Variants in ZCCHC2 observed in about 807,000 individuals in gnomAD.
The protein encoded by ZCCHC2 is zinc finger CCHC-type containing 2.
Under a neutral mutation model 103.6 loss-of-function variants are expected in ZCCHC2, and 39 were observed. That is an observed-to-expected ratio of 0.38 (90% CI 0.29 to 0.49). The LOEUF is 0.49. Ranked by LOEUF, ZCCHC2 falls within the 20% of genes least tolerant of loss-of-function variation. ZCCHC2 has a pLI of 0.96. For missense variants in ZCCHC2, 1,483 were observed against 1,491.0 expected, an observed-to-expected ratio of 0.99 and a Z score of 0.09; for synonymous variants, 687 against 608.9, an observed-to-expected ratio of 1.13 and a Z score of -1.89.
chr18:62,550,364 C>G lies in ZCCHC2; in HGVS notation c.1217C>G (p.Ser406Cys). The G allele has an allele frequency of 6.2e-7, 1 of 1,613,500 alleles. No homozygotes were observed. Among genetic ancestry groups the G allele is most frequent in the Non-Finnish European group, 8.5e-7 (1 of 1,179,670 alleles). ...CTTTTCTAGCTTCCAAAGGAACTGT[C>G]TTCAGAGACTTTTGACAAGACCATC... Reference protein sequence around the residue: ...EFLLKLPKELSSETFDKTILR... With the variant: ...EFLLKLPKELCSETFDKTILR... Residue 406 changes from serine (S) to cysteine (C), a missense_variant, in exon 5 of 14, where the codon TCT becomes TGT. By Grantham distance (112) the Ser-to-Cys change is moderately radical (BLOSUM62 -1). Around this residue, in one of 3 missense-constraint regions of ZCCHC2, gnomAD observed 31 missense variants for 58.4 expected, o/e 0.53. Coordinates refer to ENST00000269499, the MANE Select transcript of ZCCHC2 (RefSeq NM_017742.6).
chr18:62,562,801 C>T (rs1478298304), intron 8 of ZCCHC2, among the ~76,000 whole-genome samples: 1 of 152,192 alleles, frequency 6.6e-6, no homozygotes, highest in African/African-American at 2.4e-5. Flanking sequence ...GCAGCTGTTA[C>T]TACTCTTTTT....
chr18:62,539,263 C>CT (rs1410147038), intron 1 of ZCCHC2, among the ~76,000 whole-genome samples: 3 of 152,168 alleles, frequency 2.0e-5, no homozygotes, highest in Non-Finnish European at 4.4e-5. Flanking sequence ...TTTCATAAGA[C>CT]TTTTTCCTAA....
At chr18:62,537,854 C>T (rs1914995985) in intron 1 of ZCCHC2, among the ~76,000 whole-genome samples, 1 of 152,192 alleles carries the variant, frequency 6.6e-6, no homozygotes, top group Admixed American at 6.5e-5. Context: ...AACTGCCTGA[C>T]TGTCTTCAAC....
At chr18:62,542,089 A>G (rs561806126) in intron 2 of ZCCHC2, among the ~76,000 whole-genome samples, 3 of 152,332 alleles carry the variant, frequency 2.0e-5, no homozygotes, top group African/African-American at 7.2e-5. Flanking sequence ...TATACCTACT[A>G]TGTATTAATA....
intron 9 of ZCCHC2, 78 bp from the exon 10 acceptor site, chr18:62,564,493 T>C (rs948738054): frequency 1.4e-5 from 15 of 1,067,948 alleles, no homozygotes; most frequent in African/African-American, 1.1e-4. Flanking sequence ...AATCTATCAT[T>C]TTAATGTTTA....
At chr18:62,528,766 T>G (rs745762539) in intron 1 of ZCCHC2, among the ~76,000 whole-genome samples, 2 of 152,204 alleles carry the variant, frequency 1.3e-5, no homozygotes, top group Non-Finnish European at 2.9e-5. Flanking sequence ...AACTTGAATG[T>G]GGATGTGGCA....
At chr18:62,544,694 A>C (rs1266390879) in intron 3 of ZCCHC2, 108 bp from the exon 4 acceptor site, 1 of 842,740 alleles carries the variant, frequency 1.2e-6, no homozygotes, top group African/African-American at 1.8e-5. Flanking sequence ...TCTAACTGTT[A>C]ATCTTAGTAA....
intron 4 of ZCCHC2, among the ~76,000 whole-genome samples, chr18:62,548,337 A>G (rs1915507500): frequency 6.6e-6 from 1 of 152,228 alleles, no homozygotes; most frequent in Non-Finnish European, 1.5e-5. Context: ...CCACTTGAAA[A>G]TAAATCAGTT....
In ZCCHC2 at chr18:62,524,374, C is replaced by G; in HGVS notation, c.939+11C>G. On this transcript the variant is annotated intron_variant, in intron 1 of 13. Transcript: ENST00000269499. ...GGCCCCAGGGCCCAGGTAAGGCGCA[C>G]GGAGCCTCCCTGGACTCGCGGTGCG... 6.7e-7 allele frequency: 1 copy of G among 1,494,128 alleles called. No homozygotes were observed. Among genetic ancestry groups the G allele is most frequent in the Non-Finnish European group, 8.9e-7 (1 of 1,125,710 alleles). The allele number at this position is 1,494,128 out of a possible 1,614,324, so 92.6% of individuals were successfully genotyped here. A position where few individuals can be genotyped will look rare whatever the true frequency, so the allele number is the denominator to read the frequency against.
At chr18:62,527,177 T>G (rs1446514681) in intron 1 of ZCCHC2, among the ~76,000 whole-genome samples, 1 of 152,114 alleles carries the variant, frequency 6.6e-6, no homozygotes, top group Non-Finnish European at 1.5e-5. Flanking sequence ...TTAATTCTCT[T>G]TTCTATTAAA....
At chr18:62,526,040 T>C (rs2145481410) in intron 1 of ZCCHC2, 1 of 152,314 alleles carries the variant, frequency 6.6e-6, no homozygotes, top group East Asian at 1.9e-4. Flanking sequence ...CCAACAAAGG[T>C]ACTTGATTTC....
In ZCCHC2 at chr18:62,576,795, A is replaced by G. The variant is rs1038290304; in HGVS notation, c.*216A>G. On this transcript the variant is annotated 3_prime_UTR_variant, in exon 14 of 14. Coordinates refer to ENST00000269499, the MANE Select transcript of ZCCHC2 (RefSeq NM_017742.6). ...CTGGTTCAACAACAGGCTTATATGT[A>G]TGATACATGTAATTTAAACCTTCAG... is the stretch of plus-strand genomic sequence containing the variant. The G allele has an allele frequency of 8.9e-6, 4 of 448,468 alleles. No homozygotes were observed. Among genetic ancestry groups the G allele is most frequent in the Non-Finnish European group, 1.6e-5 (4 of 249,210 alleles). The allele number at this position is 448,468 out of a possible 1,614,324, so 27.8% of individuals were successfully genotyped here. A position where few individuals can be genotyped will look rare whatever the true frequency, so the allele number is the denominator to read the frequency against.
chr18:62,525,217 AGAC>A (rs1473909107), intron 1 of ZCCHC2: 1 of 152,258 alleles, frequency 6.6e-6, no homozygotes, highest in Non-Finnish European at 1.5e-5. Flanking sequence ...AAAATGTAGT[AGAC>A]GAGAATCCAG....
chr18:62,576,163 C>T (rs893525660), intron 13 of ZCCHC2, among the ~76,000 whole-genome samples: 1 of 152,044 alleles, frequency 6.6e-6, no homozygotes, highest in Admixed American at 6.5e-5. Flanking sequence ...ATGGTCTTAC[C>T]TATGTTTGAG....
chr18:62,531,876 C>G (rs1289930107), intron 1 of ZCCHC2, among the ~76,000 whole-genome samples: 1 of 151,554 alleles, frequency 6.6e-6, no homozygotes, highest in Admixed American at 6.6e-5. Flanking sequence ...TCCAGCTACT[C>G]AGAAGGCTGA....
At chr18:62,572,882 A>G (rs117725800) in intron 12 of ZCCHC2, among the ~76,000 whole-genome samples, 2,767 of 152,290 alleles carry the variant, frequency 0.018, 36 homozygotes, top group South Asian at 0.026. Context: ...ATTTTGGGAT[A>G]GTTTTTATTT....
chr18:62,539,402 C>T, intron 1 of ZCCHC2: 1 of 289,330 alleles, frequency 3.5e-6, no homozygotes, highest in East Asian at 7.1e-5. Context: ...TTATGTGTTC[C>T]TTTGATTTGG....
intron 5 of ZCCHC2, among the ~76,000 whole-genome samples, chr18:62,555,700 C>A (rs1002148557): frequency 6.6e-6 from 1 of 151,976 alleles, no homozygotes; most frequent in Non-Finnish European, 1.5e-5. Context: ...CCCAGCTACT[C>A]GGGATGCTGA....
In ZCCHC2 at chr18:62,527,149, C is replaced by T. The variant is rs149082492; in HGVS notation, c.939+2786C>T. Among the ~76,000 whole-genome samples the T allele has an allele frequency of 3.3e-5, 5 of 152,058 alleles. No individual in the cohort carries two copies. The East Asian group carries it at 9.7e-4, about 29-fold the overall frequency. ...TATTTTCAGCCTTACTATTGGTTAA[C>T]GTAAAGTTAGCATCTTTTTAATTCT... On this transcript the variant is annotated intron_variant, in intron 1 of 13. Coordinates refer to ENST00000269499, the MANE Select transcript of ZCCHC2 (RefSeq NM_017742.6).
Sources: gnomAD v4.1 joint callset for allele counts (sites outside exome capture counted in the v4.1 genomes callset) on GRCh38, gnomAD v4.1.1 for gene constraint, gnomAD v4.1.1 regional missense constraint, MANE v1.5 for transcripts, NCBI Gene and HGNC (gene_info 2026-07-23, HGNC 2026-07-21) for gene names.